Variants in ARMC2 observed in about 807,000 individuals in gnomAD.
ARMC2 encodes the protein armadillo repeat containing 2.
A neutral mutation model predicts 90.3 loss-of-function variants in ARMC2; 67 were observed. The ratio of observed to expected loss-of-function variants is 0.74; its 90% CI spans 0.61 to 0.91. ARMC2 has a LOEUF of 0.91. Among genes scored for constraint, ARMC2 ranks in the 40% least tolerant of loss-of-function variants. The probability of loss-of-function intolerance (pLI) is 0.00; values close to 1 mark genes in which losing one functional copy is unlikely to be tolerated. For synonymous variants in ARMC2, 393 were observed against 393.0 expected (o/e 1.00, Z 0.00); for missense variants, 920 against 1,030.9 (o/e 0.89, Z 1.47).
rs1032923274 is a variant in ARMC2, at chr6:108,925,907, C to T, written c.1351-2181C>T. ...ATGACATGTCACATATAAATGTGGGCTTTCTCTCCTGACTTGGGTTATTTA... is the reference window on the plus strand; with the variant it reads ...ATGACATGTCACATATAAATGTGGGTTTTCTCTCCTGACTTGGGTTATTTA... On this transcript the variant is annotated intron_variant, in intron 10 of 17. Transcript: ENST00000392644. Among the ~76,000 whole-genome samples the T allele has an allele frequency of 7.9e-5, 12 of 152,128 alleles. No homozygotes were observed. In the East Asian group the frequency reaches 2.3e-3, roughly 29 times the overall value.
At chr6:108,859,305 A>G (rs976577409) in intron 3 of ARMC2, among the ~76,000 whole-genome samples, 1 of 151,878 alleles carries the variant, frequency 6.6e-6, no homozygotes. Context: ...GGTGCCCCTC[A>G]CCATCCTCCT....
At chr6:109,045,010 C>T in the ARMC2 span, among the ~76,000 whole-genome samples, 4 of 151,400 alleles carry the variant, frequency 2.6e-5, no homozygotes, top group South Asian at 2.1e-4. Flanking sequence ...GCAACAAGAG[C>T]GAGACTCCAT....
At chr6:109,014,519 T>C in the ARMC2 span, among the ~76,000 whole-genome samples, 1 of 152,222 alleles carries the variant, frequency 6.6e-6, no homozygotes, top group African/African-American at 2.4e-5. Flanking sequence ...ATTTACAATT[T>C]TGATAACTGT....
chr6:108,910,805 G>T, intron 8 of ARMC2, 94 bp from the exon 9 acceptor site: 1 of 618,692 alleles, frequency 1.6e-6, no homozygotes. Flanking sequence ...TAAAAATACT[G>T]TTGCTGTACT....
the ARMC2 span, chr6:108,992,905 A>G: frequency 7.0e-6 from 11 of 1,568,692 alleles, no homozygotes; most frequent in Non-Finnish European, 9.6e-6. Context: ...ATCATCTGGG[A>G]AAAAAGGCCA....
intron 8 of ARMC2, among the ~76,000 whole-genome samples, chr6:108,906,371 T>C (rs1772706997): frequency 6.6e-6 from 1 of 152,204 alleles, no homozygotes; most frequent in African/African-American, 2.4e-5. Flanking sequence ...TTTAAACTTT[T>C]CTTACTTTTC....
chr6:108,958,184 G>A (rs1032152184), intron 13 of ARMC2, among the ~76,000 whole-genome samples: 2 of 152,132 alleles, frequency 1.3e-5, no homozygotes, highest in African/African-American at 4.8e-5. Flanking sequence ...CTTACAAGAA[G>A]AGACACCAGA....
chr6:108,906,336 A>G (rs1363008606), intron 8 of ARMC2, among the ~76,000 whole-genome samples: 2 of 152,168 alleles, frequency 1.3e-5, no homozygotes, highest in African/African-American at 2.4e-5. Context: ...CTGTGATGCT[A>G]TATAGTGGTA....
At chr6:109,031,739 A>C in the ARMC2 span, among the ~76,000 whole-genome samples, 1 of 152,234 alleles carries the variant, frequency 6.6e-6, no homozygotes, top group Non-Finnish European at 1.5e-5. Flanking sequence ...CCCTTGGTAC[A>C]TAATGGGTGA....
Position 108,953,198 on chromosome 6 carries a change from G to A in ARMC2, c.1762G>A (p.Gly588Ser). The change falls in exon 13 of 18, where the codon GGC becomes AGC. Residue 588 changes from glycine to serine, a missense_variant. Coordinates refer to ENST00000392644, the MANE Select transcript of ARMC2 (RefSeq NM_032131.6). ...TTCCCAGAAGCCGGTGGGCCAACGA[G>A]GCGAGCAGCACAGGGCGCAGAGGCC... ...LHSQKPVGQR[G>S]EQHRAQRPPS... 6 of 1,613,996 alleles carry A rather than the reference G, an allele frequency of 3.7e-6. No homozygotes were observed. Among genetic ancestry groups the A allele is most frequent in the Non-Finnish European group, 5.1e-6 (6 of 1,179,896 alleles).
intron 10 of ARMC2, among the ~76,000 whole-genome samples, chr6:108,914,318 T>C (rs1011208238): frequency 6.6e-6 from 1 of 152,352 alleles, no homozygotes. Flanking sequence ...TACTCTTTTA[T>C]GTCCCTTTCC....
At chr6:108,960,804 C>T (rs1002807138) in intron 13 of ARMC2, among the ~76,000 whole-genome samples, 2 of 152,110 alleles carry the variant, frequency 1.3e-5, no homozygotes, top group African/African-American at 2.4e-5. Flanking sequence ...CAGCAGTGCA[C>T]GGGTTCTCAG....
intron 11 of ARMC2, among the ~76,000 whole-genome samples, chr6:108,929,225 C>A (rs1345808113): frequency 2.0e-5 from 3 of 152,046 alleles, no homozygotes; most frequent in African/African-American, 7.2e-5. Flanking sequence ...ATTGTAGAAT[C>A]ATAAGGAATT....
chr6:108,873,829 C>G (rs1164698758), intron 4 of ARMC2, among the ~76,000 whole-genome samples: 1 of 152,196 alleles, frequency 6.6e-6, no homozygotes, highest in Non-Finnish European at 1.5e-5. Context: ...TTTCTCCACT[C>G]TCTCTGCCCC....
Position 108,899,778 on chromosome 6 carries a change from G to C in ARMC2, c.833G>C (p.Arg278Pro), listed in dbSNP as rs373656754. The C allele has an allele frequency of 4.8e-5, 78 of 1,611,860 alleles. No individual in the cohort carries two copies. The highest frequency in any genetic ancestry group is 6.1e-5 in the Non-Finnish European group (72 of 1,179,040). ...FWNTRIVPILRELEKEENIET... is the reference protein window; with the variant it reads ...FWNTRIVPILPELEKEENIET... ...AATACAAGGATTGTACCGATTTTGC[G>C]TGAATTAGAAAAGGGTAAAACACAA... is the stretch of plus-strand genomic sequence containing the variant. The change falls in exon 7 of 18, where the codon CGT becomes CCT. Residue 278 changes from arginine to proline, a missense_variant. Coordinates refer to ENST00000392644, the MANE Select transcript of ARMC2 (RefSeq NM_032131.6).
the ARMC2 span, among the ~76,000 whole-genome samples, chr6:109,047,569 C>T: frequency 2.9e-5 from 4 of 136,930 alleles, no homozygotes; most frequent in East Asian, 2.2e-4. Flanking sequence ...CCCCTCTGCC[C>T]GGCCACCACC....
chr6:109,049,964 A>G, the ARMC2 span, among the ~76,000 whole-genome samples: 1 of 152,316 alleles, frequency 6.6e-6, no homozygotes, highest in East Asian at 1.9e-4. Context: ...AAGAAATTTT[A>G]AAATGAAGAT....
chr6:109,009,610 C>T, the ARMC2 span: 1 of 1,016,262 alleles, frequency 9.8e-7, no homozygotes, highest in Non-Finnish European at 1.2e-6. Context: ...CCGCGCCCGT[C>T]ATTTCACCGC....
At chr6:109,010,298 G>T in the ARMC2 span, among the ~76,000 whole-genome samples, 1 of 152,132 alleles carries the variant, frequency 6.6e-6, no homozygotes. Context: ...ACATTGTTGG[G>T]CCCAGAACCC....
Sources: gnomAD v4.1 joint callset for allele counts (sites outside exome capture counted in the v4.1 genomes callset) on GRCh38, gnomAD v4.1.1 for gene constraint, MANE v1.5 for transcripts, NCBI Gene and HGNC (gene_info 2026-07-23, HGNC 2026-07-21) for gene names.